STARD13: variants seen among roughly 807,000 people sequenced by gnomAD.
STARD13 encodes the protein StAR related lipid transfer domain containing 13, also known as stAR-related lipid transfer protein 13.
A neutral mutation model predicts 106.4 loss-of-function variants in STARD13; 62 were observed. The observed-to-expected ratio is 0.58, with a 90% CI of 0.48 to 0.72. The LOEUF (loss-of-function observed/expected upper bound fraction) is 0.72, where lower values mean the gene tolerates loss of function less well. Ranked by LOEUF, STARD13 falls within the 30% of genes least tolerant of loss-of-function variation. The probability of loss-of-function intolerance (pLI) is 0.00; values close to 1 mark genes in which losing one functional copy is unlikely to be tolerated. For missense variants in STARD13, 1,387 were observed against 1,424.0 expected (o/e 0.97, Z 0.42); for synonymous variants, 565 against 553.0 (o/e 1.02, Z -0.31).
chr13:33,356,358 T>C, the STARD13 span, among the ~76,000 whole-genome samples: 1 of 152,260 alleles, frequency 6.6e-6, no homozygotes, highest in Non-Finnish European at 1.5e-5. Flanking sequence ...ACCTCAAACA[T>C]ACACTGTGAA....
intron 1 of STARD13, among the ~76,000 whole-genome samples, chr13:33,178,372 G>A (rs373226182): frequency 1.3e-5 from 2 of 152,090 alleles, no homozygotes; most frequent in South Asian, 4.1e-4. Context: ...CAGTTCTTTG[G>A]AGGCTTTCAT....
At chr13:33,597,053 G>C in the STARD13 span, among the ~76,000 whole-genome samples, 1 of 152,148 alleles carries the variant, frequency 6.6e-6, no homozygotes, top group Non-Finnish European at 1.5e-5. Flanking sequence ...TAAATACCCA[G>C]TGGTGGGATT....
chr13:33,449,259 C>T, the STARD13 span, among the ~76,000 whole-genome samples: 25 of 152,108 alleles, frequency 1.6e-4, no homozygotes, highest in East Asian at 3.9e-3. Flanking sequence ...GTTTTTAATT[C>T]ATCTTGAGTT....
intron 1 of STARD13, among the ~76,000 whole-genome samples, chr13:33,221,220 T>C (rs1434933086): frequency 6.6e-6 from 1 of 152,174 alleles, no homozygotes; most frequent in Non-Finnish European, 1.5e-5. Flanking sequence ...TGAAACTGTA[T>C]CCACTGAACA....
intron 1 of STARD13, among the ~76,000 whole-genome samples, chr13:33,262,243 A>T (rs1442141934): frequency 6.6e-6 from 1 of 152,092 alleles, no homozygotes; most frequent in East Asian, 1.9e-4. Flanking sequence ...AGCAAGGATG[A>T]CTCACAGTGA....
In STARD13 at chr13:33,110,748, C is replaced by G; in HGVS notation, c.2767G>C (p.Glu923Gln). ...CACGTGACCCATCCTTTGAACTTCT[C>G]CTTGGCTTCTTTCTGGAGGCCCTGG... ...LIQGLQKEAKEKFKGWVTCSS... is the reference protein window; with the variant it reads ...LIQGLQKEAKQKFKGWVTCSS... The change falls in exon 11 of 14, where the codon GAG becomes CAG. Residue 923 changes from glutamate to glutamine, a missense_variant. Physicochemically the swap from Glu to Gln is conservative, Grantham distance 29. Coordinates refer to ENST00000336934, the MANE Select transcript of STARD13 (RefSeq NM_178006.4). 6.2e-7 allele frequency: 1 copy of G among 1,614,226 alleles called. No homozygotes were observed.
chr13:33,234,911 A>G (rs1889110358), intron 1 of STARD13, among the ~76,000 whole-genome samples: 1 of 152,226 alleles, frequency 6.6e-6, no homozygotes, highest in Admixed American at 6.5e-5. Flanking sequence ...TAGAAATAAA[A>G]AGTCATTAGT....
rs1485768057 is a variant in STARD13, at chr13:33,129,276, C to G, written c.1401G>C (p.Leu467=). The G allele has an allele frequency of 6.2e-7, 1 of 1,614,078 alleles. No individual in the cohort carries two copies. Among genetic ancestry groups the G allele is most frequent in the East Asian group, 2.2e-5 (1 of 44,894 alleles). ...SIYDNVPGSH[L]YASTGDLLDL... is the part of the protein sequence containing the mutation. The stretch of plus-strand genomic sequence containing the variant: ...CCAAAAGATCTCCTGTGCTGGCATA[C>G]AGATGGGAGCCAGGGACATTGTCAT... The change falls in exon 5 of 14, where the codon CTG becomes CTC. Residue 467 remains leucine, a synonymous_variant. Coordinates refer to ENST00000336934, the MANE Select transcript of STARD13 (RefSeq NM_178006.4).
At chr13:33,519,491 G>A in the STARD13 span, among the ~76,000 whole-genome samples, 5 of 151,312 alleles carry the variant, frequency 3.3e-5, no homozygotes, top group Admixed American at 2.6e-4. Flanking sequence ...TGCCCAGCTG[G>A]GAATTTTTTT....
In STARD13 at chr13:33,103,773, T is replaced by A. The variant is rs1566521921; in HGVS notation, c.*1820A>T. ...CTCAGGAGCAGGACCAGTGTTTAGCTAGATTAAACTTCACTGGTGATCTTG... is the reference window on the plus strand; with the variant it reads ...CTCAGGAGCAGGACCAGTGTTTAGCAAGATTAAACTTCACTGGTGATCTTG... On this transcript the variant is annotated 3_prime_UTR_variant, in exon 14 of 14. Coordinates refer to ENST00000336934, the MANE Select transcript of STARD13 (RefSeq NM_178006.4). 1.3e-5 allele frequency: 2 copies of A among 152,296 alleles called. No homozygotes were observed. The highest frequency in any genetic ancestry group is 2.9e-5 in the Non-Finnish European group (2 of 68,048). 9.4% of individuals were successfully genotyped at this position (152,296 alleles called of 1,614,324 possible). A position where few individuals can be genotyped will look rare whatever the true frequency, so the allele number is the denominator to read the frequency against.
intron 3 of STARD13, among the ~76,000 whole-genome samples, chr13:33,159,914 T>TG (rs1882422884): frequency 2.6e-5 from 4 of 152,208 alleles, no homozygotes; most frequent in Admixed American, 1.3e-4. Context: ...CTGAACAAAC[T>TG]GATACAGAGA....
intron 1 of STARD13, among the ~76,000 whole-genome samples, chr13:33,297,281 C>T (rs568112254): frequency 6.6e-6 from 1 of 152,332 alleles, no homozygotes; most frequent in South Asian, 2.1e-4. Context: ...TCCTTAGTGG[C>T]TCCGCCAAAA....
chr13:33,226,210 G>A (rs942038094), intron 1 of STARD13, among the ~76,000 whole-genome samples: 1 of 152,200 alleles, frequency 6.6e-6, no homozygotes, highest in Non-Finnish European at 1.5e-5. Context: ...ATGGCATTTT[G>A]TTACGGCAGC....
At chr13:33,163,742 T>TAAC (rs1341400864) in intron 3 of STARD13, among the ~76,000 whole-genome samples, 27 of 140,240 alleles carry the variant, frequency 1.9e-4, no homozygotes, top group Non-Finnish European at 3.6e-4. Context: ...AACATATATA[T>TAAC]ATAACATATA....
the STARD13 span, among the ~76,000 whole-genome samples, chr13:33,435,491 G>A: frequency 6.6e-6 from 1 of 152,018 alleles, no homozygotes; most frequent in Non-Finnish European, 1.5e-5. Flanking sequence ...ATAAAACTAA[G>A]GTTCTTCTTG....
chr13:33,622,868 C>T, the STARD13 span, among the ~76,000 whole-genome samples: 18 of 141,054 alleles, frequency 1.3e-4, no homozygotes, highest in Admixed American at 3.5e-4. Flanking sequence ...TGCAGTGAGC[C>T]GAGATCACGC....
intron 1 of STARD13, among the ~76,000 whole-genome samples, chr13:33,189,670 C>T (rs1886098930): frequency 1.3e-5 from 2 of 151,758 alleles, no homozygotes; most frequent in Admixed American, 6.6e-5. Flanking sequence ...GGACAGGGCC[C>T]AGTTCACAGC....
chr13:33,419,738 A>G, the STARD13 span, among the ~76,000 whole-genome samples: 3 of 152,288 alleles, frequency 2.0e-5, no homozygotes, highest in Admixed American at 1.3e-4. Context: ...AGGGAAGCCC[A>G]TCAGACTAAC....
intron 3 of STARD13, among the ~76,000 whole-genome samples, chr13:33,145,655 G>A (rs1880429659): frequency 6.6e-6 from 1 of 151,872 alleles, no homozygotes; most frequent in South Asian, 2.1e-4. Flanking sequence ...TAAAAATTGT[G>A]GTATATCCAT....
Sources: allele counts gnomAD v4.1 joint callset (sites outside exome capture counted in the v4.1 genomes callset), GRCh38; gene constraint gnomAD v4.1.1; transcripts MANE v1.5; gene names NCBI Gene and HGNC (gene_info 2026-07-23, HGNC 2026-07-21).